The following RNF185 variants were observed in gnomAD, a reference collection of about 807,000 sequenced individuals.
RNF185 encodes ring finger protein 185.
Under a neutral mutation model 24.9 loss-of-function variants are expected in RNF185, and 13 were observed. That is an observed-to-expected ratio of 0.52 (90% CI 0.34 to 0.83). RNF185 has a LOEUF of 0.83. Among genes scored for constraint, RNF185 ranks in the 40% least tolerant of loss-of-function variants. The pLI is 0.01. For synonymous variants in RNF185, 79 were observed against 90.3 expected, an observed-to-expected ratio of 0.88 and a Z score of 0.71; for missense variants, 184 against 244.7, an observed-to-expected ratio of 0.75 and a Z score of 1.65.
chr22:31,163,003 A>G (rs1382949017), intron 1 of RNF185, among the ~76,000 whole-genome samples: 3 of 152,000 alleles, frequency 2.0e-5, no homozygotes, highest in Non-Finnish European at 4.4e-5. Flanking sequence ...TGACCTCGTG[A>G]TCTGCCCGCC....
At chr22:31,181,713 A>G (rs1013329184) in intron 1 of RNF185, among the ~76,000 whole-genome samples, 1 of 152,180 alleles carries the variant, frequency 6.6e-6, no homozygotes, top group African/African-American at 2.4e-5. Flanking sequence ...AGGGACGTGG[A>G]TGAAGCTGGA....
chr22:31,198,093 A>G (rs1026336713), intron 5 of RNF185, among the ~76,000 whole-genome samples: 3 of 152,148 alleles, frequency 2.0e-5, no homozygotes, highest in Non-Finnish European at 4.4e-5. Context: ...GTATATTCTC[A>G]TATCCTCATG....
intron 1 of RNF185, among the ~76,000 whole-genome samples, chr22:31,185,835 G>A (rs964484977): frequency 3.9e-5 from 6 of 152,134 alleles, no homozygotes; most frequent in Non-Finnish European, 7.4e-5. Flanking sequence ...TGGAGGTGGT[G>A]GTCAACAGTG....
chr22:31,162,193 C>T (rs915027095), intron 1 of RNF185, among the ~76,000 whole-genome samples: 21 of 152,158 alleles, frequency 1.4e-4, no homozygotes, highest in Non-Finnish European at 2.8e-4. Context: ...ACTTGCTCCC[C>T]CGCCGCCACA....
intron 5 of RNF185, among the ~76,000 whole-genome samples, chr22:31,199,099 CA>C (rs10710631): frequency 0.81 from 116,553 of 143,550 alleles, 46,767 homozygotes; most frequent in African/African-American, 0.94. Context: ...GACTCTGTCT[CA>C]AAAAAAAAAA....
intron 2 of RNF185, among the ~76,000 whole-genome samples, chr22:31,190,616 T>C (rs145847657): frequency 5.9e-4 from 90 of 151,302 alleles, no homozygotes; most frequent in Non-Finnish European, 9.4e-4. Context: ...AGATGGAGTC[T>C]CACTGCGTCA....
intron 1 of RNF185, among the ~76,000 whole-genome samples, chr22:31,173,769 A>G (rs2047955111): frequency 6.6e-6 from 1 of 152,220 alleles, no homozygotes. Flanking sequence ...TAGTGATAAG[A>G]AATATAACAA....
In RNF185 at chr22:31,180,476, G is replaced by GA. The variant is rs756113543; in HGVS notation, c.-48-6563dup. 2.9e-3 allele frequency among the ~76,000 whole-genome samples: 431 copies of GA among 148,158 alleles called. 5 individuals are homozygous for GA. Among genetic ancestry groups the GA allele is most frequent in the Non-Finnish European group, 4.9e-3 (327 of 66,792 alleles). ...TGAGACTTGTCTCAAAAAAAAAGAA[G>GA]AAAAAAAAGTAATACAGTTGAGTAT... On this transcript the variant is annotated intron_variant, in intron 1 of 6. Transcript: ENST00000326132.
intron 3 of RNF185, 58 bp from the exon 4 acceptor site, chr22:31,195,411 G>GCTGATCA (rs2147957597): frequency 8.4e-7 from 1 of 1,195,132 alleles, no homozygotes; most frequent in African/African-American, 1.5e-5. Context: ...GGTGGCTCTG[G>GCTGATCA]CTGATCACTC....
chr22:31,205,142 C>G lies in RNF185; in HGVS notation c.*556C>G, dbSNP rs1472063561. On this transcript the variant is annotated 3_prime_UTR_variant, in exon 7 of 7. Transcript: ENST00000326132. Reference sequence around the variant, plus strand: ...TGTAGAGATGCAAGAAATTGCTGTCCCATAAAAATCATAATTGCAGTAGCT... The same window carrying G: ...TGTAGAGATGCAAGAAATTGCTGTCGCATAAAAATCATAATTGCAGTAGCT... The G allele has an allele frequency of 1.2e-5, 2 of 172,396 alleles. No homozygotes were observed. Among genetic ancestry groups the G allele is most frequent in the African/African-American group, 4.8e-5 (2 of 41,498 alleles). The allele number at this position is 172,396 out of a possible 1,614,324, so 10.7% of individuals were successfully genotyped here.
At chr22:31,184,263 C>T (rs556455839) in intron 1 of RNF185, among the ~76,000 whole-genome samples, 1 of 151,134 alleles carries the variant, frequency 6.6e-6, no homozygotes, top group Non-Finnish European at 1.5e-5. Flanking sequence ...AGAGACACTC[C>T]TCAGTTCCCA....
chr22:31,192,752 A>G (rs934649973), intron 3 of RNF185, 50 bp downstream of exon 3: 1 of 1,566,372 alleles, frequency 6.4e-7, no homozygotes, highest in Non-Finnish European at 8.8e-7. Flanking sequence ...TGGTTGCACA[A>G]GAGAGCCCTA....
intron 3 of RNF185, among the ~76,000 whole-genome samples, chr22:31,195,205 C>T (rs999930019): frequency 1.3e-5 from 2 of 152,082 alleles, no homozygotes; most frequent in African/African-American, 4.8e-5. Flanking sequence ...CACCCACCTC[C>T]GCCTCCCAAA....
intron 5 of RNF185, among the ~76,000 whole-genome samples, chr22:31,200,496 A>G (rs2048250870): frequency 6.6e-6 from 1 of 152,270 alleles, no homozygotes; most frequent in Admixed American, 6.5e-5. Flanking sequence ...AGATGAAGCC[A>G]ATGTAAAAAT....
rs2048266731 is a variant in RNF185 at position 31,201,934 on chromosome 22, C to A, written c.481+319C>A. Among the ~76,000 whole-genome samples the A allele has an allele frequency of 2.0e-5, 3 of 152,052 alleles. 1 individual carries two copies. The highest frequency in any genetic ancestry group is 2.0e-4 in the Admixed American group (3 of 15,258). ...GCTCAGTAATGTTACCAAGACATACCCCATGTCTATAAAATGGAAAACTGT... is the reference window on the plus strand; with the variant it reads ...GCTCAGTAATGTTACCAAGACATACACCATGTCTATAAAATGGAAAACTGT... On this transcript the variant is annotated intron_variant, in intron 6 of 6. Coordinates refer to ENST00000326132, the MANE Select transcript of RNF185 (RefSeq NM_152267.4).
intron 1 of RNF185, among the ~76,000 whole-genome samples, chr22:31,165,051 C>T (rs1417577030): frequency 6.6e-6 from 1 of 151,902 alleles, no homozygotes; most frequent in East Asian, 1.9e-4. Context: ...GCTAGGATTA[C>T]AGGCATGCAC....
intron 1 of RNF185, among the ~76,000 whole-genome samples, chr22:31,173,403 TCACACACACACAGACACA>T (rs1338126000): frequency 2.0e-5 from 1 of 49,982 alleles, no homozygotes; most frequent in Non-Finnish European, 3.9e-5. Context: ...GTCAACTCAT[TCACACACACACAGACACA>T]CACACACACA....
intron 1 of RNF185, among the ~76,000 whole-genome samples, chr22:31,165,017 TCTC>T (rs1923829687): frequency 6.6e-6 from 1 of 152,036 alleles, no homozygotes; most frequent in South Asian, 2.1e-4. Flanking sequence ...TTCAAGCGAT[TCTC>T]CTACCTCAGC....
At chr22:31,197,450 G>A (rs1568972543) in intron 5 of RNF185, among the ~76,000 whole-genome samples, 2 of 152,084 alleles carry the variant, frequency 1.3e-5, no homozygotes, top group South Asian at 2.1e-4. Flanking sequence ...GCATTTAGTT[G>A]TGTGGATTTA....
Sources: gnomAD v4.1 joint callset for allele counts (sites outside exome capture counted in the v4.1 genomes callset) on GRCh38, gnomAD v4.1.1 for gene constraint, MANE v1.5 for transcripts, NCBI Gene and HGNC (gene_info 2026-07-23, HGNC 2026-07-21) for gene names.